The following VAT1L variants were observed in gnomAD, a reference collection of about 807,000 sequenced individuals.
VAT1L encodes vesicle amine transport 1 like, also known as putative NADPH-dependent quinone oxidoreductase VAT1L.
Under a neutral mutation model 44.1 loss-of-function variants are expected in VAT1L, and 34 were observed. That is an observed-to-expected ratio of 0.77 (90% CI 0.59 to 1.03). The LOEUF (loss-of-function observed/expected upper bound fraction) is 1.03, where lower values mean the gene tolerates loss of function less well. Among genes scored for constraint, VAT1L ranks in the 50% least tolerant of loss-of-function variants. The pLI is 0.00. For synonymous variants in VAT1L, 253 were observed against 202.2 expected, an observed-to-expected ratio of 1.25 and a Z score of -2.13; for missense variants, 615 against 538.8, an observed-to-expected ratio of 1.14 and a Z score of -1.40.
At chr16:77,816,319 G>T (rs1343832011) in intron 1 of VAT1L, among the ~76,000 whole-genome samples, 1 of 152,084 alleles carries the variant, frequency 6.6e-6, no homozygotes, top group African/African-American at 2.4e-5. Context: ...CTCTCTTTGA[G>T]TCCCCTCTCC....
At chr16:77,837,678 T>C (rs2016654472) in intron 3 of VAT1L, among the ~76,000 whole-genome samples, 1 of 152,206 alleles carries the variant, frequency 6.6e-6, no homozygotes, top group Non-Finnish European at 1.5e-5. Flanking sequence ...AGAGCTGGTT[T>C]TCATGCCAGC....
At chr16:77,835,857 G>C (rs549566922) in intron 3 of VAT1L, among the ~76,000 whole-genome samples, 36 of 150,208 alleles carry the variant, frequency 2.4e-4, no homozygotes, top group Non-Finnish European at 7.4e-5. Context: ...TGGGCAACAA[G>C]AGCAAAACTC....
At chr16:77,919,573 T>C (rs2017588964) in intron 7 of VAT1L, among the ~76,000 whole-genome samples, 1 of 152,168 alleles carries the variant, frequency 6.6e-6, no homozygotes, top group South Asian at 2.1e-4. Flanking sequence ...TCAGATCCCA[T>C]TTTTTCAATT....
chr16:77,875,795 T>C (rs9933953), intron 4 of VAT1L, among the ~76,000 whole-genome samples: 75,368 of 152,050 alleles, frequency 0.5, 20,081 homozygotes, highest in East Asian at 0.78. Context: ...GAGAAGCTTA[T>C]GAGTTAGACT....
rs527441130 is a variant in VAT1L at position 77,794,217 on chromosome 16, A to G, written c.233+5302A>G. ...GGCACACAGACAGGAATACAGAGAA[A>G]GAGCCATGAATGTATTTGACTGATT... On this transcript the variant is annotated intron_variant, in intron 1 of 8. Transcript: ENST00000302536. 4.6e-5 allele frequency among the ~76,000 whole-genome samples: 7 copies of G among 152,352 alleles called. No individual in the cohort carries two copies. In the East Asian group the frequency reaches 1.3e-3, roughly 29 times the overall value.
intron 3 of VAT1L, among the ~76,000 whole-genome samples, chr16:77,844,984 G>A (rs767029540): frequency 1.8e-4 from 28 of 152,152 alleles, no homozygotes; most frequent in Non-Finnish European, 3.1e-4. Context: ...AGATAAGGAG[G>A]CAGTTATGTG....
chr16:77,879,304 T>G lies in VAT1L; in HGVS notation c.882+80T>G, dbSNP rs917087117. The G allele has an allele frequency of 1.3e-6, 2 of 1,501,010 alleles. No individual in the cohort carries two copies. Among genetic ancestry groups the G allele is most frequent in the Non-Finnish European group, 1.9e-6 (2 of 1,078,540 alleles). The allele number at this position is 1,501,010 out of a possible 1,614,324, so 93.0% of individuals were successfully genotyped here. A position where few individuals can be genotyped will look rare whatever the true frequency, so the allele number is the denominator to read the frequency against. On this transcript the variant is annotated intron_variant, in intron 6 of 8. Coordinates refer to ENST00000302536, the MANE Select transcript of VAT1L (RefSeq NM_020927.3). This position sits in a 1 kb window ranked among gnomAD's most constrained non-coding sequence, Gnocchi z 4.1. ...AGAGCTTTGTTTTTGTTTGTTTGTT[T>G]GTTTTGAGACAGCGTCTCGTTCTGT...
At chr16:77,904,186 T>C (rs1597091618) in intron 7 of VAT1L, among the ~76,000 whole-genome samples, 1 of 86,012 alleles carries the variant, frequency 1.2e-5, no homozygotes, top group African/African-American at 4.5e-5. Context: ...CTGATTTGCT[T>C]TTTTTTTTTT....
In VAT1L at chr16:77,874,097, G is replaced by C. The variant is rs569942219; in HGVS notation, c.723-2273G>C. 9.2e-5 allele frequency among the ~76,000 whole-genome samples: 14 copies of C among 152,128 alleles called. No individual in the cohort carries two copies. In the East Asian group the frequency reaches 2.5e-3, roughly 27 times the overall value. On this transcript the variant is annotated intron_variant, in intron 4 of 8. Transcript: ENST00000302536. ...CGCCAAGTAGAATGCAGATGTGAGG[G>C]GCATCAGAGGACAAAAATTCAAGGC...
At chr16:77,910,673 C>CAAAAAAAAAAAAAAAAAAAA (rs3038773) in intron 7 of VAT1L, among the ~76,000 whole-genome samples, 1 of 82,960 alleles carries the variant, frequency 1.2e-5, no homozygotes, top group Non-Finnish European at 2.3e-5. Flanking sequence ...GACTCCTTCT[C>CAAAAAAAAAAAAAAAAAAAA]AAAAAAAAAA....
chr16:77,819,483 G>A (rs970911646), intron 2 of VAT1L, among the ~76,000 whole-genome samples: 5 of 152,028 alleles, frequency 3.3e-5, no homozygotes, highest in Admixed American at 6.6e-5. Context: ...CCGGTTTCAA[G>A]TGATTCTCCT....
intron 5 of VAT1L, among the ~76,000 whole-genome samples, chr16:77,877,477 C>A (rs925158304): frequency 4.4e-5 from 6 of 136,982 alleles, no homozygotes; most frequent in African/African-American, 1.6e-4. Context: ...CGCGCCAGTG[C>A]ACTCTAGCCT....
At chr16:77,925,036 A>C (rs922482774) in intron 7 of VAT1L, among the ~76,000 whole-genome samples, 1 of 152,188 alleles carries the variant, frequency 6.6e-6, no homozygotes, top group African/African-American at 2.4e-5. Context: ...GGCTTTTGAG[A>C]ACATGGGTGG....
At chr16:77,939,847 G>T (rs568870230) in intron 7 of VAT1L, among the ~76,000 whole-genome samples, 2 of 152,146 alleles carry the variant, frequency 1.3e-5, no homozygotes, top group Non-Finnish European at 2.9e-5. Flanking sequence ...CATTTAGCAG[G>T]GCTAGCACTA....
At chr16:77,905,006 T>C (rs1219181775) in intron 7 of VAT1L, among the ~76,000 whole-genome samples, 1 of 152,110 alleles carries the variant, frequency 6.6e-6, no homozygotes, top group East Asian at 1.9e-4. Context: ...TGTAAACCAA[T>C]GATTAAAATA....
In VAT1L at chr16:77,898,603, G is replaced by T. The variant is rs137988593; in HGVS notation, c.1077+13801G>T. 4.2e-3 allele frequency among the ~76,000 whole-genome samples: 629 copies of T among 150,942 alleles called. 5 individuals are homozygous for T. The highest frequency in any genetic ancestry group is 0.014 in the African/African-American group (584 of 41,094). On this transcript the variant is annotated intron_variant, in intron 7 of 8. Coordinates refer to ENST00000302536, the MANE Select transcript of VAT1L (RefSeq NM_020927.3). Reference sequence around the variant, plus strand: ...GGGGTTGCTGTGAAAATATCATGAGGCTGTGTGTGCAGGGCTTAAGGCATG... The same window carrying T: ...GGGGTTGCTGTGAAAATATCATGAGTCTGTGTGTGCAGGGCTTAAGGCATG...
chr16:77,906,736 A>G (rs2017441146), intron 7 of VAT1L, among the ~76,000 whole-genome samples: 1 of 152,122 alleles, frequency 6.6e-6, no homozygotes, highest in Non-Finnish European at 1.5e-5. Context: ...AACTCCCAGT[A>G]TTTTAGGGTT....
At chr16:77,860,019 G>A (rs116919355) in intron 3 of VAT1L, among the ~76,000 whole-genome samples, 1 of 152,154 alleles carries the variant, frequency 6.6e-6, no homozygotes, top group Admixed American at 6.5e-5. Context: ...GTCCTTATGA[G>A]AAGGGGAAAT....
chr16:77,809,625 C>A (rs111559382), intron 1 of VAT1L, among the ~76,000 whole-genome samples: 273 of 152,238 alleles, frequency 1.8e-3, no homozygotes, highest in African/African-American at 6.5e-3. Flanking sequence ...ACTTGCATTA[C>A]AAAAAGTGAT....
Sources: allele counts gnomAD v4.1 joint callset (sites outside exome capture counted in the v4.1 genomes callset), GRCh38; gene constraint gnomAD v4.1.1; non-coding constraint Gnocchi (gnomAD v3.1); transcripts MANE v1.5; gene names NCBI Gene and HGNC (gene_info 2026-07-23, HGNC 2026-07-21).